The following CNTN5 variants were observed in gnomAD, a reference collection of about 807,000 sequenced individuals.
CNTN5 encodes contactin-5.
A neutral mutation model predicts 129.1 loss-of-function variants in CNTN5; 77 were observed. That is an observed-to-expected ratio of 0.60 (90% CI 0.50 to 0.72). The LOEUF is 0.72. CNTN5 is among the 30% of genes least tolerant of loss of function. The pLI, the probability that CNTN5 is intolerant of heterozygous loss-of-function variation, is 0.00. For missense variants in CNTN5, 1,478 were observed against 1,328.8 expected, an observed-to-expected ratio of 1.11 and a Z score of -1.75; for synonymous variants, 509 against 465.6, an observed-to-expected ratio of 1.09 and a Z score of -1.20.
At chr11:99,420,039 A>G (rs1942819265) in intron 2 of CNTN5, among the ~76,000 whole-genome samples, 1 of 152,108 alleles carries the variant, frequency 6.6e-6, no homozygotes, top group Non-Finnish European at 1.5e-5. Flanking sequence ...AGTCAAGGTA[A>G]ATCCAAGGTG....
chr11:99,295,785 AGAATGGCGT>A (rs1864356278), intron 1 of CNTN5, among the ~76,000 whole-genome samples: 2 of 150,080 alleles, frequency 1.3e-5, no homozygotes, highest in African/African-American at 4.9e-5. Context: ...CTGAGGCAGG[AGAATGGCGT>A]GAACCCAGGA....
intron 9 of CNTN5, among the ~76,000 whole-genome samples, chr11:100,022,659 G>C (rs1941223038): frequency 6.6e-6 from 1 of 152,084 alleles, no homozygotes; most frequent in Non-Finnish European, 1.5e-5. Context: ...GGTTTAATCT[G>C]GCGTTATTTT....
At chr11:99,891,044 G>T (rs931254866) in intron 6 of CNTN5, among the ~76,000 whole-genome samples, 5 of 152,084 alleles carry the variant, frequency 3.3e-5, no homozygotes, top group Admixed American at 6.6e-5. Flanking sequence ...AGCTGAAAAA[G>T]ACATGACAAC....
intron 21 of CNTN5, among the ~76,000 whole-genome samples, chr11:100,321,612 T>C (rs1310407183): frequency 6.6e-6 from 1 of 152,158 alleles, no homozygotes; most frequent in Non-Finnish European, 1.5e-5. Flanking sequence ...AGAGTATGCA[T>C]CCTTGTCTTT....
At chr11:99,820,495 G>A (rs1049627370) in intron 4 of CNTN5, among the ~76,000 whole-genome samples, 14 of 152,414 alleles carry the variant, frequency 9.2e-5, no homozygotes, top group African/African-American at 3.1e-4. Flanking sequence ...TACAGCTATT[G>A]GCTTTATAGT....
intron 3 of CNTN5, among the ~76,000 whole-genome samples, chr11:99,648,318 G>GAT (rs1952038720): frequency 6.6e-6 from 1 of 151,514 alleles, no homozygotes; most frequent in African/African-American, 2.4e-5. Flanking sequence ...TGTAAAAAAT[G>GAT]TTCAGCATTA....
At chr11:100,135,528 G>T (rs1274990209) in intron 13 of CNTN5, among the ~76,000 whole-genome samples, 3 of 152,008 alleles carry the variant, frequency 2.0e-5, no homozygotes, top group African/African-American at 7.2e-5. Context: ...AAACAAGTGT[G>T]CCTCTTACCA....
chr11:100,031,554 A>G (rs1941707368), intron 9 of CNTN5, among the ~76,000 whole-genome samples: 1 of 152,138 alleles, frequency 6.6e-6, no homozygotes, highest in South Asian at 2.1e-4. Context: ...CTTTAGGGTT[A>G]AGGTATACTC....
intron 2 of CNTN5, among the ~76,000 whole-genome samples, chr11:99,366,054 C>T (rs558141331): frequency 6.6e-5 from 10 of 152,280 alleles, no homozygotes; most frequent in Admixed American, 3.3e-4. Flanking sequence ...TCCAGCATCC[C>T]ATCCATCCTC....
chr11:99,948,690 G>C (rs756279006), intron 7 of CNTN5, among the ~76,000 whole-genome samples: 6 of 151,994 alleles, frequency 3.9e-5, no homozygotes, highest in Non-Finnish European at 7.4e-5. Flanking sequence ...GTAAAATAAG[G>C]TTACCTATTC....
chr11:99,288,967 CA>C (rs2135913038), intron 1 of CNTN5, among the ~76,000 whole-genome samples: 1 of 151,898 alleles, frequency 6.6e-6, no homozygotes, highest in African/African-American at 2.4e-5. Flanking sequence ...TAGATCCTCA[CA>C]GAGCTATCAT....
chr11:99,589,453 G>C (rs984790687), intron 3 of CNTN5, among the ~76,000 whole-genome samples: 8 of 152,114 alleles, frequency 5.3e-5, no homozygotes, highest in Admixed American at 2.0e-4. Context: ...TCCAAAGAAG[G>C]ATCTGAAGTA....
intron 1 of CNTN5, among the ~76,000 whole-genome samples, chr11:99,272,316 C>A (rs988595874): frequency 8.0e-5 from 12 of 150,786 alleles, no homozygotes; most frequent in African/African-American, 2.7e-4. Flanking sequence ...TTTTTAACTG[C>A]AAATCATAAT....
At chr11:99,488,448 G>A (rs557489460) in intron 2 of CNTN5, among the ~76,000 whole-genome samples, 1 of 152,212 alleles carries the variant, frequency 6.6e-6, no homozygotes, top group South Asian at 2.1e-4. Context: ...TGGGTTTACA[G>A]ACATTAGCCA....
intron 19 of CNTN5, among the ~76,000 whole-genome samples, chr11:100,298,923 T>G (rs541473814): frequency 2.6e-5 from 4 of 151,574 alleles, no homozygotes; most frequent in Non-Finnish European, 4.4e-5. Flanking sequence ...AAGTTTTCAA[T>G]TCTCTTGAGA....
chr11:100,024,993 T>C (rs902085022), intron 9 of CNTN5, among the ~76,000 whole-genome samples: 2 of 152,184 alleles, frequency 1.3e-5, no homozygotes, highest in African/African-American at 4.8e-5. Context: ...GCAAAAACTT[T>C]TATAGCTAAT....
chr11:100,118,334 G>A (rs566657619), intron 13 of CNTN5, among the ~76,000 whole-genome samples: 22 of 151,752 alleles, frequency 1.4e-4, no homozygotes, highest in Non-Finnish European at 2.9e-4. Context: ...CTGTGATCCC[G>A]AATTTCTTGT....
chr11:99,655,888 A>C (rs1952338714), intron 3 of CNTN5, among the ~76,000 whole-genome samples: 1 of 152,094 alleles, frequency 6.6e-6, no homozygotes, highest in Admixed American at 6.6e-5. Flanking sequence ...TATTCCATTT[A>C]GCTATTCAGA....
At chr11:99,783,876 C>T (rs540597221) in intron 3 of CNTN5, among the ~76,000 whole-genome samples, 10 of 151,194 alleles carry the variant, frequency 6.6e-5, no homozygotes, top group African/African-American at 1.2e-4. Context: ...TGCTAGATGA[C>T]GAGTTAGTGG....
Sources: allele counts gnomAD v4.1 joint callset (sites outside exome capture counted in the v4.1 genomes callset), GRCh38; gene constraint gnomAD v4.1.1; transcripts MANE v1.5; gene names NCBI Gene and HGNC (gene_info 2026-07-23, HGNC 2026-07-21).